The following SLC49A3 variants were observed in gnomAD, a reference collection of about 807,000 sequenced individuals.
SLC49A3 encodes solute carrier family 49 member A3.
A neutral mutation model predicts 43.8 loss-of-function variants in SLC49A3; 50 were observed. The observed-to-expected ratio is 1.14, with a 90% CI of 0.91 to 1.45. SLC49A3 has a LOEUF of 1.45. Ranked by LOEUF, SLC49A3 falls within the 40% of genes most tolerant of loss-of-function variation. The pLI, the probability that SLC49A3 is intolerant of heterozygous loss-of-function variation, is 0.00. For missense variants in SLC49A3, 906 were observed against 774.1 expected, an observed-to-expected ratio of 1.17 and a Z score of -2.02; for synonymous variants, 413 against 352.0, an observed-to-expected ratio of 1.17 and a Z score of -1.94.
upstream of SLC49A3, chr4:689,309 CA>C: frequency 2.8e-6 from 1 of 355,826 alleles, no homozygotes; most frequent in Non-Finnish European, 4.9e-6. Flanking sequence ...AAAGGAGACC[CA>C]AAAAAGCGGG....
In SLC49A3 at chr4:682,043, C is replaced by T; in HGVS notation, c.1595G>A (p.Arg532Lys). Residue 532 changes from arginine to lysine, a missense_variant, in exon 10 of 10, where the codon AGA (arginine) becomes AAA (lysine). Coordinates refer to ENST00000322224, the MANE Select transcript of SLC49A3 (RefSeq NM_032219.4). ...AATDAPSRPGRLAGRVQASRF... is the reference protein window; with the variant it reads ...AATDAPSRPGKLAGRVQASRF... ...GGACGCTTGGACCCTGCCTGCGAGTCTGCCGGGGCGGGAGGGCGCGTCGGT... is the reference window on the plus strand; with the variant it reads ...GGACGCTTGGACCCTGCCTGCGAGTTTGCCGGGGCGGGAGGGCGCGTCGGT... 1.4e-6 allele frequency: 2 copies of T among 1,422,742 alleles called. No homozygotes were observed. Among genetic ancestry groups the T allele is most frequent in the Non-Finnish European group, 1.9e-6 (2 of 1,075,846 alleles). The allele number at this position is 1,422,742 out of a possible 1,614,324, so 88.1% of individuals were successfully genotyped here. A position where few individuals can be genotyped will look rare whatever the true frequency, so the allele number is the denominator to read the frequency against.
downstream of SLC49A3, chr4:678,184 G>C: frequency 1.3e-6 from 2 of 1,533,468 alleles, no homozygotes; most frequent in Non-Finnish European, 8.8e-7. Context: ...GTGCATGAGC[G>C]TGTGTATGTG....
chr4:679,939 G>A, downstream of SLC49A3: 1 of 1,613,798 alleles, frequency 6.2e-7, no homozygotes. Flanking sequence ...AGGACGACGA[G>A]CTGGACGCCA....
At position 682,004 on chromosome 4, in the gene SLC49A3, G is replaced by T. The variant is rs200078959; in HGVS notation, c.1634C>A (p.Pro545Gln). 2.8e-6 allele frequency: 4 copies of T among 1,421,932 alleles called. No individual in the cohort carries two copies. Among genetic ancestry groups the T allele is most frequent in the Non-Finnish European group, 3.7e-6 (4 of 1,073,848 alleles). The allele number at this position is 1,421,932 out of a possible 1,614,324, so 88.1% of individuals were successfully genotyped here. Residue 545 changes from proline (P) to glutamine (Q), a missense_variant, in exon 10 of 10, where the codon CCG (proline) becomes CAG (glutamine). Pro to Gln is a moderately conservative substitution (Grantham distance 76, BLOSUM62 -1). Coordinates refer to ENST00000322224, the MANE Select transcript of SLC49A3 (RefSeq NM_032219.4). ...GGAGAAGGAGGAGTGAGACCCAGCC[G>T]GGTCAATAAACCTGGACGCTTGGAC... ...GRVQASRFID[P>Q]AGSHSSFSSP...
intron 7 of SLC49A3, 52 bp from the exon 8 acceptor site, chr4:683,419 C>T (rs1740259800): frequency 1.3e-6 from 2 of 1,575,680 alleles, no homozygotes; most frequent in Non-Finnish European, 1.7e-6. Flanking sequence ...GCAGTCAGAA[C>T]TGGACCTGGC....
chr4:682,088 C>T lies in SLC49A3; in HGVS notation c.1550G>A (p.Arg517His), dbSNP rs370343121. 150 of 1,393,792 alleles carry T rather than the reference C, an allele frequency of 1.1e-4. No individual in the cohort carries two copies. Among genetic ancestry groups the T allele is most frequent in the Middle Eastern group, 2.1e-4 (1 of 4,832 alleles). The allele number at this position is 1,393,792 out of a possible 1,614,324, so 86.3% of individuals were successfully genotyped here. Residue 517 changes from arginine to histidine, a missense_variant, in exon 10 of 10, where the codon CGT becomes CAT. Coordinates refer to ENST00000322224, the MANE Select transcript of SLC49A3 (RefSeq NM_032219.4). ...PHPACHRATP[R>H]AQGPAATDAP... ...GTCGGTGGCTGCTGGGCCTTGCGCA[C>T]GGGGAGTCGCTCGGTGGCAGGCTGG...
At chr4:683,112 C>T (rs996906667) in intron 8 of SLC49A3, 98 bp downstream of exon 8, 17 of 1,504,722 alleles carry the variant, frequency 1.1e-5, no homozygotes, top group African/African-American at 2.8e-5. Flanking sequence ...CCCACCTCCC[C>T]GAAAAGGGGC....
chr4:678,251 ACGTTG>A (rs2109330734), downstream of SLC49A3: 1 of 1,473,932 alleles, frequency 6.8e-7, no homozygotes, highest in Non-Finnish European at 9.0e-7. Flanking sequence ...TACGTGCCTC[ACGTTG>A]CTCTCCTGGT....
chr4:680,374 G>T, downstream of SLC49A3: 2 of 949,788 alleles, frequency 2.1e-6, no homozygotes, highest in Admixed American at 4.4e-5. Context: ...AGGCCTTCAG[G>T]CAGAGGCCAC....
chr4:680,496 GC>G (rs1463273993), downstream of SLC49A3: 1 of 1,613,404 alleles, frequency 6.2e-7, no homozygotes, highest in Non-Finnish European at 8.5e-7. Flanking sequence ...GGCTGAAGGT[GC>G]CTTTGTGGCA....
Position 684,483 on chromosome 4 carries a change from A to G in SLC49A3, c.840T>C (p.Ser280=), listed in dbSNP as rs774493753. The G allele has an allele frequency of 5.6e-6, 9 of 1,612,642 alleles. No individual in the cohort carries two copies. The highest frequency in any genetic ancestry group is 7.6e-6 in the Non-Finnish European group (9 of 1,179,836). Residue 280 remains serine, a splice_region_variant and synonymous_variant, in exon 6 of 10, where the codon AGT becomes AGC. Coordinates refer to ENST00000322224, the MANE Select transcript of SLC49A3 (RefSeq NM_032219.4). The part of the protein sequence containing the change: ...EQILCASGHS[S]GFSGLCGALF... ...TCCCCAGGGGTGGGGCCAGGCTCACACTGGAGTGGCCGCTTGCACAGAGGA... is the reference window on the plus strand; with the variant it reads ...TCCCCAGGGGTGGGGCCAGGCTCACGCTGGAGTGGCCGCTTGCACAGAGGA...
rs1437447774 is a variant in SLC49A3 at position 682,151 on chromosome 4, G to GC, written c.1486dup (p.Ala496GlyfsTer49). On this transcript the variant is annotated frameshift_variant, in exon 10 of 10. Transcript: ENST00000322224. LOFTEE classifies it low-confidence loss of function (END_TRUNC). ...GGGCCCTCTGGGGTCCTCTAGCGAG[G>GC]CCCCCCTCGCCGTGCACTCCGGAGT... is the stretch of plus-strand genomic sequence containing the variant. 1.5e-6 allele frequency: 2 copies of GC among 1,337,720 alleles called. No individual in the cohort carries two copies. The highest frequency in any genetic ancestry group is 1.9e-5 in the South Asian group (1 of 53,140). 82.9% of individuals were successfully genotyped at this position (1,337,720 alleles called of 1,614,324 possible).
chr4:680,991 G>A (rs1007655952), downstream of SLC49A3: 3 of 1,325,410 alleles, frequency 2.3e-6, no homozygotes, highest in Non-Finnish European at 3.2e-6. Flanking sequence ...CGGGAGTGCA[G>A]TGAGCGAGTA....
Position 686,521 on chromosome 4 carries a change from G to C in SLC49A3, c.294+11C>G, listed in dbSNP as rs779157302. ...GTCCCGGAGCGGGCCATGGTGTGGG[G>C]TCTGACTCACCGCCGCACGGAGCCC... On this transcript the variant is annotated intron_variant, in intron 2 of 9. Transcript: ENST00000322224. 6.2e-6 allele frequency: 10 copies of C among 1,610,872 alleles called. No individual in the cohort carries two copies. The highest frequency in any genetic ancestry group is 8.5e-6 in the Non-Finnish European group (10 of 1,179,180).
downstream of SLC49A3, chr4:680,459 C>A (rs1739346212): frequency 6.3e-7 from 1 of 1,589,804 alleles, no homozygotes; most frequent in African/African-American, 1.3e-5. Flanking sequence ...CCTTGGCAGC[C>A]ACGGGACTGC....
In SLC49A3 at chr4:684,831, C is replaced by G. The variant is rs769347437; in HGVS notation, c.611G>C (p.Gly204Ala). The G allele has an allele frequency of 8.7e-6, 14 of 1,612,334 alleles. No homozygotes were observed. The South Asian group carries it at 1.1e-4, about 13-fold the overall frequency. ...LMLGVYTIPA[G>A]VVCLLSTICL... ...GATGGTGGACAGCAGGCAGACGACG[C>G]CAGCAGGGATGGTATAGACACCGAG... is the stretch of plus-strand genomic sequence containing the variant. Residue 204 changes from glycine to alanine, a missense_variant, in exon 5 of 10, where the codon GGC becomes GCC. Coordinates refer to ENST00000322224, the MANE Select transcript of SLC49A3 (RefSeq NM_032219.4).
At chr4:681,400 G>A (rs1424371013), downstream of SLC49A3, among the ~76,000 whole-genome samples, 1 of 151,966 alleles carries the variant, frequency 6.6e-6, no homozygotes, top group Non-Finnish European at 1.5e-5. Flanking sequence ...TGTCCCAGCC[G>A]GAGGGGCGGG....
chr4:683,526 C>G (rs1332252463), intron 7 of SLC49A3, 83 bp downstream of exon 7: 4 of 1,514,428 alleles, frequency 2.6e-6, no homozygotes, highest in Non-Finnish European at 3.5e-6. Context: ...GACCTCTGTT[C>G]CAGCCAAGCC....
chr4:679,469 C>A (rs1369256563), downstream of SLC49A3, among the ~76,000 whole-genome samples: 1 of 152,218 alleles, frequency 6.6e-6, no homozygotes, highest in Non-Finnish European at 1.5e-5. Flanking sequence ...TGGTGGGGCA[C>A]ACTGCCCTCC....
Sources: gnomAD v4.1 joint callset for allele counts (sites outside exome capture counted in the v4.1 genomes callset) on GRCh38, gnomAD v4.1.1 for gene constraint, MANE v1.5 for transcripts, NCBI Gene and HGNC (gene_info 2026-07-23, HGNC 2026-07-21) for gene names.